NEGR1: variants seen among roughly 807,000 people sequenced by gnomAD.
The protein encoded by NEGR1 is IgLON family member 4.
A neutral mutation model predicts 40.9 loss-of-function variants in NEGR1; 10 were observed. The ratio of observed to expected loss-of-function variants is 0.24; its 90% CI spans 0.15 to 0.42. NEGR1 has a LOEUF of 0.42. Among genes scored for constraint, NEGR1 ranks in the 10% least tolerant of loss-of-function variants. The probability of loss-of-function intolerance (pLI) is 1.00; values close to 1 mark genes in which losing one functional copy is unlikely to be tolerated. For synonymous variants in NEGR1, 185 were observed against 166.8 expected (o/e 1.11, Z -0.84); for missense variants, 352 against 438.9 (o/e 0.80, Z 1.77).
intron 4 of NEGR1, among the ~76,000 whole-genome samples, chr1:71,623,262 T>C (rs969585513): frequency 6.6e-6 from 1 of 151,736 alleles, no homozygotes; most frequent in East Asian, 1.9e-4. Context: ...CTACAGAAAA[T>C]ATGTTAAGCG....
At chr1:71,442,133 C>A (rs1007768918) in intron 6 of NEGR1, among the ~76,000 whole-genome samples, 7 of 150,806 alleles carry the variant, frequency 4.6e-5, no homozygotes, top group African/African-American at 1.7e-4. Context: ...GAAAAAAAAC[C>A]TCTCTATAAA....
intron 2 of NEGR1, among the ~76,000 whole-genome samples, chr1:71,923,526 T>C (rs1405385146): frequency 2.0e-5 from 3 of 152,176 alleles, no homozygotes; most frequent in Non-Finnish European, 4.4e-5. Flanking sequence ...AGTTTTCCTA[T>C]TGGCTGCCAT....
chr1:72,033,828 C>T (rs1157950096), intron 1 of NEGR1, among the ~76,000 whole-genome samples: 1 of 152,120 alleles, frequency 6.6e-6, no homozygotes, highest in African/African-American at 2.4e-5. Context: ...TACAACACTC[C>T]AGGCAATGCA....
intron 2 of NEGR1, among the ~76,000 whole-genome samples, chr1:71,870,311 T>C (rs1370583575): frequency 2.0e-5 from 3 of 152,214 alleles, no homozygotes; most frequent in African/African-American, 7.2e-5. Flanking sequence ...CAAAAAGCTA[T>C]AGTTTTTGAA....
intron 1 of NEGR1, among the ~76,000 whole-genome samples, chr1:72,174,532 T>C (rs1652092871): frequency 6.6e-6 from 1 of 152,234 alleles, no homozygotes; most frequent in African/African-American, 2.4e-5. Context: ...TTGATCCTTT[T>C]ACTGTCTCCA....
intron 1 of NEGR1, among the ~76,000 whole-genome samples, chr1:72,077,658 A>G (rs910365684): frequency 1.1e-4 from 17 of 151,478 alleles, no homozygotes; most frequent in African/African-American, 3.9e-4. Flanking sequence ...ATAAATAAAT[A>G]AATAAATAGG....
intron 1 of NEGR1, among the ~76,000 whole-genome samples, chr1:72,006,132 C>T (rs973198980): frequency 2.0e-5 from 3 of 152,012 alleles, no homozygotes; most frequent in African/African-American, 7.2e-5. Context: ...ATAAAATATG[C>T]AAATAAATTC....
intron 1 of NEGR1, among the ~76,000 whole-genome samples, chr1:71,974,364 C>T (rs2100325052): frequency 6.6e-6 from 1 of 152,162 alleles, no homozygotes; most frequent in South Asian, 2.1e-4. Context: ...AGTAAACATG[C>T]TTTTACACTT....
intron 4 of NEGR1, among the ~76,000 whole-genome samples, chr1:71,670,109 T>C (rs1043716677): frequency 8.5e-5 from 13 of 152,192 alleles, no homozygotes; most frequent in Admixed American, 8.5e-4. Flanking sequence ...CTGAAGAACA[T>C]TTTTAGGTTT....
intron 1 of NEGR1, among the ~76,000 whole-genome samples, chr1:71,952,716 T>C (rs1646082482): frequency 6.6e-6 from 1 of 151,904 alleles, no homozygotes; most frequent in Non-Finnish European, 1.5e-5. Flanking sequence ...GAGAAGTCAA[T>C]ACCTGGTTTC....
intron 1 of NEGR1, among the ~76,000 whole-genome samples, chr1:72,093,477 C>T (rs1044678107): frequency 2.6e-5 from 4 of 152,084 alleles, no homozygotes; most frequent in African/African-American, 9.7e-5. Context: ...AAATTATTTG[C>T]AAGTCATTAA....
intron 1 of NEGR1, among the ~76,000 whole-genome samples, chr1:71,977,410 A>C (rs1646315114): frequency 1.3e-5 from 2 of 152,174 alleles, no homozygotes; most frequent in Non-Finnish European, 2.9e-5. Context: ...GGATTTCAAA[A>C]GATTATAAAT....
At chr1:72,042,412 A>C (rs894718609) in intron 1 of NEGR1, among the ~76,000 whole-genome samples, 2 of 151,952 alleles carry the variant, frequency 1.3e-5, no homozygotes, top group Admixed American at 6.6e-5. Flanking sequence ...CAGAGAGTGC[A>C]TTTCCTGCAT....
intron 2 of NEGR1, among the ~76,000 whole-genome samples, chr1:71,928,678 C>G (rs980776150): frequency 6.6e-6 from 1 of 151,536 alleles, no homozygotes; most frequent in South Asian, 2.1e-4. Context: ...AAGATCCTGT[C>G]TTCATAAATT....
chr1:72,231,254 CT>C (rs1654354450), intron 1 of NEGR1, among the ~76,000 whole-genome samples: 1 of 152,108 alleles, frequency 6.6e-6, no homozygotes, highest in Non-Finnish European at 1.5e-5. Context: ...CTCCATTTGT[CT>C]TTTTTCATTC....
intron 1 of NEGR1, among the ~76,000 whole-genome samples, chr1:72,171,021 T>C (rs560491785): frequency 6.6e-6 from 1 of 152,288 alleles, no homozygotes; most frequent in South Asian, 2.1e-4. Flanking sequence ...GGTATTTCCT[T>C]TTCCCTTTGG....
At chr1:72,093,443 T>G (rs151075895) in intron 1 of NEGR1, among the ~76,000 whole-genome samples, 6 of 152,206 alleles carry the variant, frequency 3.9e-5, no homozygotes, top group African/African-American at 1.2e-4. Flanking sequence ...AATTGGCTTC[T>G]GAGTTCTCAT....
intron 5 of NEGR1, among the ~76,000 whole-genome samples, chr1:71,601,519 A>G (rs11209801): frequency 0.25 from 38,473 of 152,212 alleles, 6,131 homozygotes; most frequent in East Asian, 0.58. Context: ...TATGTTTATC[A>G]TAGCAGTATT....
At chr1:71,846,904 T>C (rs1187892958) in intron 2 of NEGR1, among the ~76,000 whole-genome samples, 2 of 152,156 alleles carry the variant, frequency 1.3e-5, no homozygotes, top group Non-Finnish European at 2.9e-5. Context: ...CTTGATACTG[T>C]TACATTTGGT....
Sources: allele counts gnomAD v4.1 joint callset (sites outside exome capture counted in the v4.1 genomes callset), GRCh38; gene constraint gnomAD v4.1.1; transcripts MANE v1.5; gene names NCBI Gene and HGNC (gene_info 2026-07-23, HGNC 2026-07-21).